UNC13A: variants seen among roughly 807,000 people sequenced by gnomAD.
UNC13A encodes unc-13 homolog A.
Under a neutral mutation model 219.7 loss-of-function variants are expected in UNC13A, and 61 were observed. That is an observed-to-expected ratio of 0.28 (90% CI 0.23 to 0.34). The LOEUF (loss-of-function observed/expected upper bound fraction) is 0.34. Ranked by LOEUF, UNC13A falls within the 10% of genes least tolerant of loss-of-function variation. The pLI, the probability that UNC13A is intolerant of heterozygous loss-of-function variation, is 1.00. For synonymous variants in UNC13A, 920 were observed against 884.6 expected (o/e 1.04, Z -0.71); for missense variants, 1,476 against 2,270.3 (o/e 0.65, Z 7.11).
intron 8 of UNC13A, among the ~76,000 whole-genome samples, chr19:17,661,284 C>T (rs2079546869): frequency 6.6e-6 from 1 of 152,030 alleles, no homozygotes. Flanking sequence ...TGTGGTGGAC[C>T]AAAGTGTTTG....
At chr19:17,681,986 T>C (rs1465560303) in intron 1 of UNC13A, among the ~76,000 whole-genome samples, 5 of 147,310 alleles carry the variant, frequency 3.4e-5, no homozygotes, top group Admixed American at 1.4e-4. Context: ...GGAGTCTCAC[T>C]CTGTAGCCCA....
Position 17,605,915 on chromosome 19 carries a change from A to AG in UNC13A, c.*138dup, listed in dbSNP as rs1712862001. The stretch of plus-strand genomic sequence containing the variant: ...TTCCCCAAAAGGGAAAGCTGAGTCA[A>AG]GGGCGTAGGCGCAGCCCACCCTTGG... On this transcript the variant is annotated 3_prime_UTR_variant, in exon 44 of 44. Coordinates refer to ENST00000519716, the MANE Select transcript of UNC13A (RefSeq NM_001080421.3). 1 of 784,374 alleles carries AG rather than the reference A, an allele frequency of 1.3e-6. No individual in the cohort carries two copies. Among genetic ancestry groups the AG allele is most frequent in the Non-Finnish European group, 1.8e-6 (1 of 551,822 alleles). 48.6% of individuals were successfully genotyped at this position (784,374 alleles called of 1,614,324 possible).
At chr19:17,659,835 A>G (rs2145875971) in intron 8 of UNC13A, among the ~76,000 whole-genome samples, 2 of 152,300 alleles carry the variant, frequency 1.3e-5, no homozygotes, top group Admixed American at 1.3e-4. Context: ...AGAGGATGTA[A>G]AAAAATGAAA....
chr19:17,616,340 CGGGGCCAGGAGGGGCGCAGGCA>C, intron 41 of UNC13A: 1 of 671,426 alleles, frequency 1.5e-6, no homozygotes, highest in East Asian at 2.8e-5. Context: ...TTTTACTAGC[CGGGGCCAGGAGGGGCGCAGGCA>C]CCGGGCACCA....
intron 33 of UNC13A, among the ~76,000 whole-genome samples, 184 bp from the exon 34 acceptor site, chr19:17,626,969 G>A (rs147306824): frequency 0.014 from 2,171 of 152,276 alleles, 49 homozygotes; most frequent in African/African-American, 0.049. Context: ...CAAGGCGGGC[G>A]GATCACGAGG....
chr19:17,633,023 T>G, intron 27 of UNC13A, 85 bp downstream of exon 27: 2 of 1,606,766 alleles, frequency 1.2e-6, no homozygotes, highest in Non-Finnish European at 1.7e-6. Context: ...GAGGGTATTA[T>G]AGGGTGCTCA....
chr19:17,616,437 G>A (rs1433513444), intron 41 of UNC13A: 2 of 523,066 alleles, frequency 3.8e-6, no homozygotes, highest in African/African-American at 3.9e-5. Flanking sequence ...TTCACTAAGG[G>A]TAAACCTAGT....
intron 43 of UNC13A, among the ~76,000 whole-genome samples, chr19:17,608,677 C>T (rs2076567227): frequency 6.6e-6 from 1 of 151,384 alleles, no homozygotes; most frequent in South Asian, 2.1e-4. Context: ...GCCACCACGC[C>T]TGGCTAGGTT....
At chr19:17,655,427 C>T (rs747852491) in intron 10 of UNC13A, 45 bp from the exon 11 acceptor site, 3 of 1,438,000 alleles carry the variant, frequency 2.1e-6, no homozygotes, top group African/African-American at 1.4e-5. Context: ...CTCTCCGTGA[C>T]CCCTGAACTT....
Position 17,605,577 on chromosome 19 carries a change from G to A in UNC13A, c.*477C>T, listed in dbSNP as rs2076513882. ...TCCAGTCCCCAGGCCACCTAGAGGG[G>A]CGCTCCAGAGAGCCCTACCCCTTGC... On this transcript the variant is annotated 3_prime_UTR_variant, in exon 44 of 44. Transcript: ENST00000519716. 6.4e-6 allele frequency: 1 copy of A among 156,026 alleles called. No individual in the cohort carries two copies. Among genetic ancestry groups the A allele is most frequent in the Non-Finnish European group, 1.4e-5 (1 of 70,530 alleles). 9.7% of individuals were successfully genotyped at this position (156,026 alleles called of 1,614,324 possible). A position where few individuals can be genotyped will look rare whatever the true frequency, so the allele number is the denominator to read the frequency against.
At chr19:17,621,196 T>TA (rs1229497827) in intron 37 of UNC13A, among the ~76,000 whole-genome samples, 1 of 152,000 alleles carries the variant, frequency 6.6e-6, no homozygotes, top group Non-Finnish European at 1.5e-5. Context: ...CGTACACAAT[T>TA]ATATCACACA....
intron 2 of UNC13A, 39 bp downstream of exon 2, chr19:17,675,973 C>G: frequency 6.4e-7 from 1 of 1,550,638 alleles, no homozygotes; most frequent in Non-Finnish European, 8.7e-7. Context: ...GACAGACAGA[C>G]AGACAACACG....
rs894639901 is a variant in UNC13A at position 17,607,974 on chromosome 19, G to T, written c.4812-1620C>A. On this transcript the variant is annotated intron_variant, in intron 43 of 43. Transcript: ENST00000519716. ...GGCTCACTGCAACCTGTGCCTCCTG[G>T]GTTCAAGCGATTCTCGTACCCCTCA... Among the ~76,000 whole-genome samples, 12 of 150,222 alleles carry T rather than the reference G, an allele frequency of 8.0e-5. 1 individual carries two copies. The South Asian group carries it at 1.5e-3, about 18-fold the overall frequency.
chr19:17,618,273 A>G, intron 40 of UNC13A, 148 bp downstream of exon 40: 1 of 872,250 alleles, frequency 1.1e-6, no homozygotes, highest in Non-Finnish European at 1.8e-6. Flanking sequence ...AGCATTAGCC[A>G]GCCCAGCTCT....
intron 1 of UNC13A, among the ~76,000 whole-genome samples, chr19:17,687,326 C>A (rs546460404): frequency 2.0e-4 from 31 of 152,274 alleles, no homozygotes; most frequent in Non-Finnish European, 4.1e-4. Flanking sequence ...CGTCTCCCTC[C>A]CTCCCTCTCT....
In UNC13A at chr19:17,672,268, T is replaced by C. The variant is rs1039257414; in HGVS notation, c.270+110A>G. 3 of 854,502 alleles carry C rather than the reference T, an allele frequency of 3.5e-6. No homozygotes were observed. The African/African-American group carries it at 5.1e-5, about 14-fold the overall frequency. The allele number at this position is 854,502 out of a possible 1,614,324, so 52.9% of individuals were successfully genotyped here. A position where few individuals can be genotyped will look rare whatever the true frequency, so the allele number is the denominator to read the frequency against. On this transcript the variant is annotated intron_variant, in intron 4 of 43. Transcript: ENST00000519716. ...TTCGTGGCAATCCCAAGTGTCTACA[T>C]TGATGTTGTCAGGGGATAGGAGATA...
chr19:17,624,574 GA>G (rs1251081872), intron 35 of UNC13A, among the ~76,000 whole-genome samples: 1 of 152,148 alleles, frequency 6.6e-6, no homozygotes, highest in Non-Finnish European at 1.5e-5. Context: ...TGACCCCAGA[GA>G]AAATACAATG....
At chr19:17,607,183 A>G (rs1324131048) in intron 43 of UNC13A, among the ~76,000 whole-genome samples, 1 of 152,136 alleles carries the variant, frequency 6.6e-6, no homozygotes, top group African/African-American at 2.4e-5. Flanking sequence ...CTTGTCCCAT[A>G]AGAGCTCCCA....
rs1319424567 is a variant in UNC13A, at chr19:17,674,300, T to G, written c.152+357A>C. On this transcript the variant is annotated intron_variant, in intron 3 of 43. Transcript: ENST00000519716. The surrounding 1 kb of genome is among the most constrained non-coding windows in gnomAD (Gnocchi z 5.0). ...TCACGGGGAAGGCTGTGGGTTTTAT[T>G]GTGAGGTCGATGAGCCACGGACAAG... 6.6e-6 allele frequency among the ~76,000 whole-genome samples: 1 copy of G among 152,118 alleles called. No homozygotes were observed. The highest frequency in any genetic ancestry group is 6.6e-5 in the Admixed American group (1 of 15,264).
Sources: allele counts gnomAD v4.1 joint callset (sites outside exome capture counted in the v4.1 genomes callset), GRCh38; gene constraint gnomAD v4.1.1; non-coding constraint Gnocchi (gnomAD v3.1); transcripts MANE v1.5; gene names NCBI Gene and HGNC (gene_info 2026-07-23, HGNC 2026-07-21).